The following TADA2B variants were observed in gnomAD, a reference collection of about 807,000 sequenced individuals.
TADA2B encodes transcriptional adaptor 2B, also known as transcriptional adapter 2-beta.
Under a neutral mutation model 34.5 loss-of-function variants are expected in TADA2B, and 13 were observed. That is an observed-to-expected ratio of 0.38 (90% CI 0.25 to 0.60). TADA2B has a LOEUF of 0.60. Ranked by LOEUF, TADA2B falls within the 20% of genes least tolerant of loss-of-function variation. TADA2B has a pLI of 0.65. For missense variants in TADA2B, 442 were observed against 575.0 expected (o/e 0.77, Z 2.37); for synonymous variants, 240 against 243.4 (o/e 0.99, Z 0.13).
In TADA2B at chr4:7,049,337, C is replaced by T. The variant is rs544460323; in HGVS notation, c.271-4725C>T. Among the ~76,000 whole-genome samples, 106 of 152,352 alleles carry T rather than the reference C, an allele frequency of 7.0e-4. 1 individual carries two copies. The highest frequency in any genetic ancestry group is 2.3e-3 in the African/African-American group (96 of 41,580). ...CAAGTGATCCTCCCGCCTCAGCCCC[C>T]GAAAGTGCTGGGGTTAGGCTAAGCC... On this transcript the variant is annotated intron_variant, in intron 1 of 1. Coordinates refer to ENST00000310074, the MANE Select transcript of TADA2B (RefSeq NM_152293.3).
rs1235154568 is a variant in TADA2B, at chr4:7,054,735, G to A, written c.944G>A (p.Arg315Gln). 6.2e-7 allele frequency: 1 copy of A among 1,613,948 alleles called. No individual in the cohort carries two copies. Among genetic ancestry groups the A allele is most frequent in the Admixed American group, 1.7e-5 (1 of 60,028 alleles). ...GAGTACGAGGCAGCGCGGCATAAAC[G>A]GGAGAAGAGGAAGGAGAACAAAAAC... ...SAEYEAARHK[R>Q]EKRKENKNLA... Residue 315 changes from arginine to glutamine, a missense_variant, in exon 2 of 2, where the codon CGG becomes CAG. Coordinates refer to ENST00000310074, the MANE Select transcript of TADA2B (RefSeq NM_152293.3).
Position 7,055,822 on chromosome 4 carries a change from C to T in TADA2B, c.*768C>T, listed in dbSNP as rs187704906. On this transcript the variant is annotated 3_prime_UTR_variant, in exon 2 of 2. Transcript: ENST00000310074. ...CAGGCTCCCATAGTGACCACGTCCC[C>T]ACGAATGGGAAAGCACGTTAGTGGG... 3 of 152,354 alleles carry T rather than the reference C, an allele frequency of 2.0e-5. No individual in the cohort carries two copies. The highest frequency in any genetic ancestry group is 2.0e-4 in the Admixed American group (3 of 15,306). The allele number at this position is 152,354 out of a possible 1,614,324, so 9.4% of individuals were successfully genotyped here. A position where few individuals can be genotyped will look rare whatever the true frequency, so the allele number is the denominator to read the frequency against.
At position 7,054,354 on chromosome 4, in the gene TADA2B, T is replaced by C; in HGVS notation, c.563T>C (p.Leu188Pro). Reference protein sequence around the residue: ...DQDAETLISGLSVNYDDDDVE... With the variant: ...DQDAETLISGPSVNYDDDDVE... ...GATGCCGAGACGCTCATCAGCGGGC[T>C]CTCTGTCAACTATGATGACGACGAC... The change falls in exon 2 of 2, where the codon CTC becomes CCC. Residue 188 changes from leucine to proline, a missense_variant. Leu to Pro is a moderately conservative substitution (Grantham distance 98, BLOSUM62 -3). Coordinates refer to ENST00000310074, the MANE Select transcript of TADA2B (RefSeq NM_152293.3). The C allele has an allele frequency of 6.2e-7, 1 of 1,613,416 alleles. No individual in the cohort carries two copies. Among genetic ancestry groups the C allele is most frequent in the Non-Finnish European group, 8.5e-7 (1 of 1,179,886 alleles).
rs1414349984 is a variant in TADA2B, at chr4:7,057,768, A to T, written c.*2714A>T. On this transcript the variant is annotated 3_prime_UTR_variant, in exon 2 of 2. Transcript: ENST00000310074. ...CGCCACTACACTCCAGCCTGGTGAC[A>T]GAGCAAGACTCCATCTCAAAAAAAA... 1 of 135,320 alleles carries T rather than the reference A, an allele frequency of 7.4e-6. No homozygotes were observed. Among genetic ancestry groups the T allele is most frequent in the Non-Finnish European group, 1.6e-5 (1 of 62,462 alleles). The allele number at this position is 135,320 out of a possible 1,614,324, so 8.4% of individuals were successfully genotyped here. A position where few individuals can be genotyped will look rare whatever the true frequency, so the allele number is the denominator to read the frequency against.
intron 1 of TADA2B, 69 bp downstream of exon 1, chr4:7,043,918 G>T: frequency 7.1e-7 from 1 of 1,415,884 alleles, no homozygotes; most frequent in Non-Finnish European, 9.2e-7. Context: ...CTGTAATCGG[G>T]CGCGCAGGCA....
intron 1 of TADA2B, among the ~76,000 whole-genome samples, chr4:7,050,790 C>A (rs565870191): frequency 6.6e-6 from 1 of 152,232 alleles, no homozygotes; most frequent in Non-Finnish European, 1.5e-5. Flanking sequence ...GCCCAGCGTC[C>A]GGCTTCGCTC....
At chr4:7,047,019 C>G (rs568470635) in intron 1 of TADA2B, among the ~76,000 whole-genome samples, 2 of 152,062 alleles carry the variant, frequency 1.3e-5, no homozygotes, top group Non-Finnish European at 2.9e-5. Context: ...GGTTAAAGGA[C>G]CTTGGCTACA....
rs990003205 is a variant in TADA2B at position 7,055,187 on chromosome 4, C to G, written c.*133C>G. On this transcript the variant is annotated 3_prime_UTR_variant, in exon 2 of 2. Coordinates refer to ENST00000310074, the MANE Select transcript of TADA2B (RefSeq NM_152293.3). ...AGTTCCTTTTTTTAAGATAGAAATT[C>G]TTTTCATGGTCCTCTGAAAGAAGCA... The G allele has an allele frequency of 1.1e-6, 1 of 901,926 alleles. No homozygotes were observed. Among genetic ancestry groups the G allele is most frequent in the East Asian group, 2.7e-5 (1 of 37,486 alleles). 55.9% of individuals were successfully genotyped at this position (901,926 alleles called of 1,614,324 possible). A position where few individuals can be genotyped will look rare whatever the true frequency, so the allele number is the denominator to read the frequency against.
intron 1 of TADA2B, among the ~76,000 whole-genome samples, chr4:7,051,830 C>T (rs1414622246): frequency 2.0e-5 from 3 of 152,204 alleles, no homozygotes; most frequent in East Asian, 1.9e-4. Flanking sequence ...ATCTCCTGAC[C>T]TCGTGATCCG....
chr4:7,053,973 A>AAAAT, intron 1 of TADA2B, 89 bp from the exon 2 acceptor site: 5 of 1,425,832 alleles, frequency 3.5e-6, no homozygotes, highest in Non-Finnish European at 4.7e-6. Flanking sequence ...ACTCTAGGTC[A>AAAAT]GCCTTTGTAA....
chr4:7,047,071 C>T (rs1237203943), intron 1 of TADA2B, among the ~76,000 whole-genome samples: 1 of 152,028 alleles, frequency 6.6e-6, no homozygotes, highest in South Asian at 2.1e-4. Flanking sequence ...GTCAGATTAG[C>T]GGGGTCTGGC....
intron 1 of TADA2B, among the ~76,000 whole-genome samples, chr4:7,046,818 T>C (rs1013849897): frequency 6.6e-5 from 10 of 152,070 alleles, no homozygotes; most frequent in Admixed American, 2.6e-4. Context: ...TACAACTACA[T>C]GTGGGATTCA....
Position 7,054,625 on chromosome 4 carries a change from G to A in TADA2B, c.834G>A (p.Met278Ile), listed in dbSNP as rs768057126. Residue 278 changes from methionine (M) to isoleucine (I), a missense_variant, in exon 2 of 2, where the codon ATG (methionine) becomes ATA (isoleucine). Coordinates refer to ENST00000310074, the MANE Select transcript of TADA2B (RefSeq NM_152293.3). ...CKEFDDLFEN[M>I]HKEKMLRAKI... is the part of the protein sequence containing the mutation. ...AGTTTGATGACCTTTTTGAAAACAT[G>A]CACAAAGAAAAAATGCTCCGGGCCA... The A allele has an allele frequency of 2.0e-5, 32 of 1,613,754 alleles. No individual in the cohort carries two copies. In the Admixed American group the frequency reaches 5.0e-4, roughly 25 times the overall value.
rs748327299 is a variant in TADA2B at position 7,055,066 on chromosome 4, T to G, written c.*12T>G. 8.1e-5 allele frequency: 130 copies of G among 1,596,496 alleles called. No individual in the cohort carries two copies. Reference sequence around the variant, plus strand: ...GGGACGCGTCTTGAAGCTGAGACGCTTTGAAAGCCAGGGTGATGCTCAGAC... The same window carrying G: ...GGGACGCGTCTTGAAGCTGAGACGCGTTGAAAGCCAGGGTGATGCTCAGAC... On this transcript the variant is annotated 3_prime_UTR_variant, in exon 2 of 2. Transcript: ENST00000310074.
Position 7,043,634 on chromosome 4 carries a change from C to G in TADA2B, c.55C>G (p.Leu19Val), listed in dbSNP as rs1186259491. The G allele has an allele frequency of 6.6e-6, 10 of 1,519,698 alleles. No homozygotes were observed. The highest frequency in any genetic ancestry group is 8.8e-6 in the Non-Finnish European group (10 of 1,130,208). 94.1% of individuals were successfully genotyped at this position (1,519,698 alleles called of 1,614,324 possible). A position where few individuals can be genotyped will look rare whatever the true frequency, so the allele number is the denominator to read the frequency against. ...GTACTGCCTGGCCGAGGTGAGCCCG[C>G]TGCGCTTCCGCTGCACCGAGTGCCA... Reference protein sequence around the residue: ...CVYCLAEVSPLRFRCTECQDI... With the variant: ...CVYCLAEVSPVRFRCTECQDI... The change falls in exon 1 of 2, where the codon CTG becomes GTG. Residue 19 changes from leucine to valine, a missense_variant. This residue lies in a region of TADA2B where 102 missense variants were observed against 177.2 expected (regional missense o/e 0.58). Coordinates refer to ENST00000310074, the MANE Select transcript of TADA2B (RefSeq NM_152293.3).
intron 1 of TADA2B, among the ~76,000 whole-genome samples, chr4:7,052,339 C>G (rs956492325): frequency 6.6e-6 from 1 of 152,260 alleles, no homozygotes; most frequent in Non-Finnish European, 1.5e-5. Context: ...TGACCCTTTC[C>G]TTCCTAAAGG....
chr4:7,055,193 A>G lies in TADA2B; in HGVS notation c.*139A>G. ...TTTTTTTAAGATAGAAATTCTTTTC[A>G]TGGTCCTCTGAAAGAAGCAATAGTA... On this transcript the variant is annotated 3_prime_UTR_variant, in exon 2 of 2. Coordinates refer to ENST00000310074, the MANE Select transcript of TADA2B (RefSeq NM_152293.3). The G allele has an allele frequency of 2.3e-6, 2 of 881,468 alleles. No homozygotes were observed. Among genetic ancestry groups the G allele is most frequent in the Non-Finnish European group, 3.4e-6 (2 of 586,204 alleles). The allele number at this position is 881,468 out of a possible 1,614,324, so 54.6% of individuals were successfully genotyped here. A position where few individuals can be genotyped will look rare whatever the true frequency, so the allele number is the denominator to read the frequency against.
At chr4:7,050,388 G>C (rs907525) in intron 1 of TADA2B, among the ~76,000 whole-genome samples, 147,370 of 152,378 alleles carry the variant, frequency 0.97, 71,297 homozygotes, top group East Asian at 1. Context: ...CCCTTACACC[G>C]AGCTCCCTGG....
chr4:7,049,262 A>G (rs933670593), intron 1 of TADA2B, among the ~76,000 whole-genome samples: 17 of 152,128 alleles, frequency 1.1e-4, no homozygotes, highest in Non-Finnish European at 2.2e-4. Context: ...AATTATTTGT[A>G]GAGACGGGGT....
Sources: allele counts gnomAD v4.1 joint callset (sites outside exome capture counted in the v4.1 genomes callset), GRCh38; gene constraint gnomAD v4.1.1; regional missense constraint gnomAD v4.1.1; transcripts MANE v1.5; gene names NCBI Gene and HGNC (gene_info 2026-07-23, HGNC 2026-07-21).